Variants in DNM3 observed in about 807,000 individuals in gnomAD.
DNM3 encodes the protein dynamin 3.
A neutral mutation model predicts 101.6 loss-of-function variants in DNM3; 47 were observed. The ratio of observed to expected loss-of-function variants is 0.46; its 90% CI spans 0.37 to 0.59. DNM3 has a LOEUF of 0.59. Ranked by LOEUF, DNM3 falls within the 20% of genes least tolerant of loss-of-function variation. The probability of loss-of-function intolerance (pLI) is 0.00; values close to 1 mark genes in which losing one functional copy is unlikely to be tolerated. For synonymous variants in DNM3, 385 were observed against 387.9 expected, an observed-to-expected ratio of 0.99 and a Z score of 0.09; for missense variants, 849 against 1,085.7, an observed-to-expected ratio of 0.78 and a Z score of 3.06.
intron 16 of DNM3, among the ~76,000 whole-genome samples, chr1:172,315,352 C>T (rs2065283361): frequency 6.6e-6 from 1 of 152,190 alleles, no homozygotes; most frequent in Non-Finnish European, 1.5e-5. Flanking sequence ...CAAAGGAACG[C>T]AGTTCCTCAC....
intron 11 of DNM3, among the ~76,000 whole-genome samples, chr1:172,079,078 T>G (rs2125981142): frequency 6.6e-6 from 1 of 152,314 alleles, no homozygotes; most frequent in East Asian, 1.9e-4. Context: ...ACATTGGTGA[T>G]TCTGATGATT....
chr1:172,049,310 G>T (rs192937889), intron 10 of DNM3, among the ~76,000 whole-genome samples: 69 of 152,224 alleles, frequency 4.5e-4, no homozygotes, highest in Non-Finnish European at 9.6e-4. Flanking sequence ...GTGAAATGAG[G>T]ATGATGATGA....
At chr1:172,133,848 A>G (rs1390161169) in intron 14 of DNM3, among the ~76,000 whole-genome samples, 1 of 152,074 alleles carries the variant, frequency 6.6e-6, no homozygotes, top group Non-Finnish European at 1.5e-5. Flanking sequence ...GTAACATAGG[A>G]ACAGTGGGGG....
At chr1:172,044,682 T>G (rs958714691) in intron 9 of DNM3, among the ~76,000 whole-genome samples, 1 of 152,174 alleles carries the variant, frequency 6.6e-6, no homozygotes, top group South Asian at 2.1e-4. Flanking sequence ...CAGCCTGTAC[T>G]CTGCACAATA....
At chr1:171,893,409 G>T (rs565616530) in intron 1 of DNM3, among the ~76,000 whole-genome samples, 1 of 151,746 alleles carries the variant, frequency 6.6e-6, no homozygotes, top group Admixed American at 6.6e-5. Flanking sequence ...TATAAAGTAA[G>T]GTTTTGAAAT....
At chr1:172,083,868 G>A (rs545235722) in intron 12 of DNM3, among the ~76,000 whole-genome samples, 1 of 152,140 alleles carries the variant, frequency 6.6e-6, no homozygotes, top group African/African-American at 2.4e-5. Flanking sequence ...ATCTTTTGAC[G>A]TAGTCTCTCT....
At chr1:172,137,425 T>C (rs1281200278) in intron 14 of DNM3, 1 of 152,170 alleles carries the variant, frequency 6.6e-6, no homozygotes, top group Non-Finnish European at 1.5e-5. Flanking sequence ...ATGAGAGAAA[T>C]TTAACTTTAA....
chr1:171,973,962 G>A (rs909515013), intron 2 of DNM3, among the ~76,000 whole-genome samples: 12 of 151,906 alleles, frequency 7.9e-5, no homozygotes, highest in Non-Finnish European at 1.6e-4. Context: ...ACCACTCGTC[G>A]CCCAAAGTCT....
At chr1:172,071,384 C>T (rs954258427) in intron 11 of DNM3, among the ~76,000 whole-genome samples, 7 of 151,858 alleles carry the variant, frequency 4.6e-5, no homozygotes, top group African/African-American at 1.7e-4. Context: ...CTAATATGGA[C>T]TTGTGTGGCA....
At chr1:172,037,636 C>G (rs1456072652) in intron 6 of DNM3, among the ~76,000 whole-genome samples, 1 of 152,072 alleles carries the variant, frequency 6.6e-6, no homozygotes, top group East Asian at 1.9e-4. Context: ...ATCATGCACT[C>G]TTAGGTTCTT....
At chr1:172,181,187 A>G (rs2059330463) in intron 14 of DNM3, among the ~76,000 whole-genome samples, 1 of 152,096 alleles carries the variant, frequency 6.6e-6, no homozygotes, top group South Asian at 2.1e-4. Flanking sequence ...CACCATCTCT[A>G]AGATAAGTTG....
intron 1 of DNM3, among the ~76,000 whole-genome samples, chr1:171,876,305 T>C (rs922186319): frequency 6.6e-6 from 1 of 152,196 alleles, no homozygotes; most frequent in African/African-American, 2.4e-5. Flanking sequence ...GCCTACTTTA[T>C]GTAAGCTTGA....
At chr1:172,386,180 T>C (rs749994793) in intron 18 of DNM3, among the ~76,000 whole-genome samples, 1 of 152,250 alleles carries the variant, frequency 6.6e-6, no homozygotes, top group Non-Finnish European at 1.5e-5. Flanking sequence ...CTTCTTTTTA[T>C]TTAATATTTC....
At chr1:172,269,171 C>G (rs2062985349) in intron 15 of DNM3, among the ~76,000 whole-genome samples, 1 of 152,150 alleles carries the variant, frequency 6.6e-6, no homozygotes, top group South Asian at 2.1e-4. Context: ...GGTTTCTGTC[C>G]AAAGACTGTG....
At chr1:172,252,675 C>T (rs2148683768) in intron 14 of DNM3, among the ~76,000 whole-genome samples, 1 of 152,164 alleles carries the variant, frequency 6.6e-6, no homozygotes, top group East Asian at 1.9e-4. Context: ...TACTAGGTTT[C>T]TTAAATTGAG....
chr1:172,018,256 T>G (rs2047586730), intron 4 of DNM3, among the ~76,000 whole-genome samples: 1 of 151,850 alleles, frequency 6.6e-6, no homozygotes, highest in South Asian at 2.1e-4. Context: ...TTCTATTTGT[T>G]GCCCTTGTTT....
chr1:172,390,554 C>T (rs2069467243), intron 20 of DNM3, among the ~76,000 whole-genome samples: 2 of 152,144 alleles, frequency 1.3e-5, no homozygotes, highest in Non-Finnish European at 2.9e-5. Flanking sequence ...CCAGTTGTGA[C>T]CACTAAAAAT....
intron 17 of DNM3, among the ~76,000 whole-genome samples, chr1:172,344,373 T>C (rs1001358548): frequency 6.6e-6 from 1 of 152,226 alleles, no homozygotes; most frequent in African/African-American, 2.4e-5. Flanking sequence ...CGTCTTCTTA[T>C]TGAACTAGAG....
At chr1:172,269,251 T>C (rs1392863768) in intron 15 of DNM3, among the ~76,000 whole-genome samples, 2 of 152,212 alleles carry the variant, frequency 1.3e-5, no homozygotes, top group Non-Finnish European at 2.9e-5. Flanking sequence ...TCACAGCAAG[T>C]TTACTTTTCT....
Sources: gnomAD v4.1 joint callset for allele counts (sites outside exome capture counted in the v4.1 genomes callset) on GRCh38, gnomAD v4.1.1 for gene constraint, MANE v1.5 for transcripts, NCBI Gene and HGNC (gene_info 2026-07-23, HGNC 2026-07-21) for gene names.